SEMA6D: variants seen among roughly 807,000 people sequenced by gnomAD.
SEMA6D encodes the protein semaphorin 6D.
A neutral mutation model predicts 106.6 loss-of-function variants in SEMA6D; 35 were observed. The ratio of observed to expected loss-of-function variants is 0.33; its 90% confidence interval spans 0.25 to 0.44. The LOEUF (loss-of-function observed/expected upper bound fraction) is 0.44. Among genes scored for constraint, SEMA6D ranks in the 20% least tolerant of loss-of-function variants. SEMA6D has a pLI of 1.00. For missense variants in SEMA6D, 1,185 were observed against 1,345.9 expected, an observed-to-expected ratio of 0.88 and a Z score of 1.87; for synonymous variants, 499 against 487.7, an observed-to-expected ratio of 1.02 and a Z score of -0.31.
intron 1 of SEMA6D, among the ~76,000 whole-genome samples, chr15:47,381,502 C>T (rs1341570765): frequency 1.3e-5 from 2 of 152,166 alleles, no homozygotes; most frequent in African/African-American, 4.8e-5. Flanking sequence ...ACACTAGCTA[C>T]ACCTGTGGCC....
In SEMA6D at chr15:47,535,969, G is replaced by A. The variant is rs535883710; in HGVS notation, c.-86-64896G>A. Among the ~76,000 whole-genome samples the A allele has an allele frequency of 2.0e-5, 3 of 152,240 alleles. No homozygotes were observed. In the East Asian group the frequency reaches 5.8e-4, roughly 29 times the overall value. ...TTCATGGGGAGGAGTGGGCAAGAAG[G>A]CAGGAAACGTGAGTTAAATTCAGGC... On this transcript the variant is annotated intron_variant, in intron 3 of 19. Transcript: ENST00000558014.
chr15:47,545,714 G>A (rs928685321), intron 3 of SEMA6D, among the ~76,000 whole-genome samples: 1 of 152,088 alleles, frequency 6.6e-6, no homozygotes, highest in Admixed American at 6.6e-5. Flanking sequence ...TTTCGTGAAA[G>A]AGCTAGGTGG....
In SEMA6D at chr15:47,442,888, A is replaced by G. The variant is rs139586074; in HGVS notation, c.-158-27586A>G. Among the ~76,000 whole-genome samples, 546 of 152,226 alleles carry G rather than the reference A, an allele frequency of 3.6e-3. 4 individuals carry two copies. The highest frequency in any genetic ancestry group is 0.012 in the African/African-American group (518 of 41,578). ...AGTATCCTAAAATCTATAGATTTCT[A>G]TGAATTTCAAATCAACTAGAAGTAT... On this transcript the variant is annotated intron_variant, in intron 2 of 19. Transcript: ENST00000558014.
chr15:47,282,137 G>T (rs1302750466), intron 1 of SEMA6D, among the ~76,000 whole-genome samples: 1 of 151,990 alleles, frequency 6.6e-6, no homozygotes, highest in Non-Finnish European at 1.5e-5. Context: ...ACATGTATAG[G>T]TACTCACTGA....
rs1398441234 is a variant in SEMA6D at position 47,348,725 on chromosome 15, C to CAGAG, written c.-238-63667_-238-63666insGAGA. On this transcript the variant is annotated intron_variant, in intron 1 of 19. Transcript: ENST00000558014. ...CACACACACACACACACACCACACA[C>CAGAG]ACAGAGAGAGAGAGAGAGAGAGAGA... Among the ~76,000 whole-genome samples, 107 of 47,746 alleles carry CAGAG rather than the reference C, an allele frequency of 2.2e-3. 4 individuals are homozygous for CAGAG. In the East Asian group the frequency reaches 0.034, roughly 15 times the overall value. The allele number at this position is 47,746 out of a possible 152,430, so 31.3% of individuals were successfully genotyped here.
At chr15:47,661,686 A>G (rs2077922541) in intron 4 of SEMA6D, among the ~76,000 whole-genome samples, 1 of 152,212 alleles carries the variant, frequency 6.6e-6, no homozygotes, top group Non-Finnish European at 1.5e-5. Context: ...TTGTGTCCTG[A>G]GAAGGTGATG....
intron 4 of SEMA6D, among the ~76,000 whole-genome samples, chr15:47,642,885 A>AGT (rs2077514345): frequency 6.6e-6 from 1 of 151,914 alleles, no homozygotes; most frequent in Admixed American, 6.6e-5. Flanking sequence ...AGAGAGAGAG[A>AGT]GGTAAAGATG....
intron 2 of SEMA6D, among the ~76,000 whole-genome samples, chr15:47,446,420 A>G (rs1596016773): frequency 6.6e-6 from 1 of 152,246 alleles, no homozygotes; most frequent in African/African-American, 2.4e-5. Flanking sequence ...GCATTGCTAA[A>G]TTGTATGCAT....
chr15:47,743,016 C>CT (rs1235424905), intron 1 of SEMA6D, among the ~76,000 whole-genome samples: 6 of 152,150 alleles, frequency 3.9e-5, no homozygotes, highest in African/African-American at 1.4e-4. Flanking sequence ...AAGCAACATT[C>CT]TTTTTTCTCT....
chr15:47,475,766 G>A (rs888734607), intron 3 of SEMA6D, among the ~76,000 whole-genome samples: 12 of 152,244 alleles, frequency 7.9e-5, no homozygotes, highest in African/African-American at 2.9e-4. Context: ...AGTTTTATCT[G>A]TAAATTAAAA....
intron 1 of SEMA6D, among the ~76,000 whole-genome samples, chr15:47,736,555 C>A (rs1490474937): frequency 6.6e-6 from 1 of 152,116 alleles, no homozygotes; most frequent in Non-Finnish European, 1.5e-5. Flanking sequence ...CTTAGTTTGT[C>A]GCTTATTTGG....
At chr15:47,227,936 CTTATATATATTTTTATATGTAAGAATCTT>C (rs2031873457) in intron 1 of SEMA6D, among the ~76,000 whole-genome samples, 1 of 138,520 alleles carries the variant, frequency 7.2e-6, no homozygotes, top group African/African-American at 2.6e-5. Context: ...ATATAAGAAT[CTTATATATATTTTTATATGTAAGAATCTT>C]ATATATATTT....
intron 2 of SEMA6D, among the ~76,000 whole-genome samples, chr15:47,459,668 A>G (rs184361375): frequency 5.6e-4 from 86 of 152,232 alleles, no homozygotes; most frequent in African/African-American, 1.9e-3. Context: ...TTAAAATTAA[A>G]AACTTTTATA....
At chr15:47,663,199 G>C (rs2077962152) in intron 4 of SEMA6D, among the ~76,000 whole-genome samples, 1 of 152,170 alleles carries the variant, frequency 6.6e-6, no homozygotes, top group Non-Finnish European at 1.5e-5. Flanking sequence ...AGTGGGCAGT[G>C]GGAGTCCTTA....
chr15:47,680,530 C>T (rs2078331848), intron 4 of SEMA6D, among the ~76,000 whole-genome samples: 1 of 152,130 alleles, frequency 6.6e-6, no homozygotes, highest in Non-Finnish European at 1.5e-5. Context: ...TTTACCCTTA[C>T]CCCTCAAAAA....
chr15:47,547,948 G>T (rs1466993408), intron 3 of SEMA6D, among the ~76,000 whole-genome samples: 1 of 152,146 alleles, frequency 6.6e-6, no homozygotes, highest in African/African-American at 2.4e-5. Flanking sequence ...GAATATTCTA[G>T]AATTTCCCAC....
intron 2 of SEMA6D, among the ~76,000 whole-genome samples, chr15:47,455,891 G>A (rs1244406546): frequency 1.3e-5 from 2 of 151,884 alleles, no homozygotes; most frequent in African/African-American, 2.4e-5. Flanking sequence ...CATAGGATTT[G>A]CAAAAGGAAA....
intron 2 of SEMA6D, among the ~76,000 whole-genome samples, chr15:47,455,681 C>T (rs755593008): frequency 1.9e-4 from 29 of 151,922 alleles, no homozygotes; most frequent in Non-Finnish European, 3.5e-4. Context: ...TTCTCACCAC[C>T]ATTAACTCCA....
At chr15:47,215,892 T>C (rs527561744) in intron 1 of SEMA6D, among the ~76,000 whole-genome samples, 1 of 150,586 alleles carries the variant, frequency 6.6e-6, no homozygotes, top group South Asian at 2.1e-4. Context: ...CGAGGAGCAG[T>C]GCCCAAGGAT....
Sources: gnomAD v4.1 joint callset for allele counts (sites outside exome capture counted in the v4.1 genomes callset) on GRCh38, gnomAD v4.1.1 for gene constraint, MANE v1.5 for transcripts, NCBI Gene and HGNC (gene_info 2026-07-23, HGNC 2026-07-21) for gene names.